The following CUEDC1 variants were observed in gnomAD, a reference collection of about 807,000 sequenced individuals.
The protein encoded by CUEDC1 is CUE domain containing 1, also known as CUE domain-containing protein 1.
CUEDC1 carries 30 observed loss-of-function variants against 43.7 expected under a neutral mutation model. That is an observed-to-expected ratio of 0.69 (90% confidence interval 0.51 to 0.93). The LOEUF is 0.93. Among genes scored for constraint, CUEDC1 ranks in the 40% least tolerant of loss-of-function variants. The probability of loss-of-function intolerance (pLI) is 0.00; values close to 1 mark genes in which losing one functional copy is unlikely to be tolerated. For synonymous variants in CUEDC1, 223 were observed against 223.6 expected, an observed-to-expected ratio of 1.00 and a Z score of 0.02; for missense variants, 486 against 549.0, an observed-to-expected ratio of 0.89 and a Z score of 1.15.
intron 1 of CUEDC1, among the ~76,000 whole-genome samples, chr17:57,946,820 T>C (rs902561670): frequency 2.0e-5 from 3 of 152,154 alleles, no homozygotes; most frequent in Admixed American, 1.3e-4. Flanking sequence ...CTGCTCATCA[T>C]CACCAGCCCG....
intron 1 of CUEDC1, chr17:57,912,328 G>A (rs1289172766): frequency 6.6e-6 from 1 of 152,256 alleles, no homozygotes; most frequent in Non-Finnish European, 1.5e-5. Context: ...ACATTGTTAG[G>A]AGAACAGATG....
chr17:57,951,937 T>C lies in CUEDC1; in HGVS notation c.-316+3288A>G, dbSNP rs114951619. 7.0e-3 allele frequency among the ~76,000 whole-genome samples: 1,067 copies of C among 152,362 alleles called. 16 individuals are homozygous for C. The highest frequency in any genetic ancestry group is 0.025 in the African/African-American group (1,035 of 41,570). ...CTGCATCATCAAGAGTCTGTGATAA[T>C]GCGCTGACACATCAGAGGTTCTGGG... On this transcript the variant is annotated intron_variant, in intron 1 of 10. Coordinates refer to ENST00000577830, the MANE Select transcript of CUEDC1 (RefSeq NM_001271875.2).
At chr17:57,884,058 T>C (rs1000797993) in intron 2 of CUEDC1, among the ~76,000 whole-genome samples, 8 of 152,124 alleles carry the variant, frequency 5.3e-5, no homozygotes. Context: ...GCCACTTCCC[T>C]GGAGAGACTG....
At chr17:57,927,308 G>A (rs1019080635) in intron 1 of CUEDC1, among the ~76,000 whole-genome samples, 11 of 151,814 alleles carry the variant, frequency 7.2e-5, no homozygotes, top group Admixed American at 6.6e-5. Context: ...CACTCCCCCC[G>A]GGAGTCTCCA....
At chr17:57,894,343 G>T (rs757223544) in intron 1 of CUEDC1, among the ~76,000 whole-genome samples, 1 of 152,162 alleles carries the variant, frequency 6.6e-6, no homozygotes, top group South Asian at 2.1e-4. Context: ...GTAAGGGTGG[G>T]GCATTCCTTT....
At chr17:57,905,038 G>T (rs2074513874) in intron 1 of CUEDC1, among the ~76,000 whole-genome samples, 1 of 152,112 alleles carries the variant, frequency 6.6e-6, no homozygotes, top group South Asian at 2.1e-4. Context: ...TCTCCCACCA[G>T]CTGCCCGGGG....
intron 7 of CUEDC1, 113 bp downstream of exon 7, chr17:57,869,009 T>A (rs1167411686): frequency 2.9e-6 from 3 of 1,051,212 alleles, no homozygotes; most frequent in Non-Finnish European, 2.8e-6. Context: ...ATGTCACTGG[T>A]TCACCAAGAG....
chr17:57,916,201 T>C (rs1748093129), intron 1 of CUEDC1, among the ~76,000 whole-genome samples: 1 of 152,182 alleles, frequency 6.6e-6, no homozygotes, highest in Non-Finnish European at 1.5e-5. Flanking sequence ...AGCAGCTGCC[T>C]CTGAGAATGC....
At chr17:57,917,229 G>A (rs893996360) in intron 1 of CUEDC1, among the ~76,000 whole-genome samples, 2 of 121,428 alleles carry the variant, frequency 1.6e-5, no homozygotes, top group Non-Finnish European at 3.5e-5. Context: ...CTCCCCCAGG[G>A]CAACAAGGCC....
At position 57,871,193 on chromosome 17, in the gene CUEDC1, C is replaced by T. The variant is rs116252952; in HGVS notation, c.868+93G>A. 10,347 of 1,032,446 alleles carry T rather than the reference C, an allele frequency of 0.01. 630 individuals carry two copies. The African/African-American group carries it at 0.13, about 13-fold the overall frequency. The allele number at this position is 1,032,446 out of a possible 1,614,324, so 64.0% of individuals were successfully genotyped here. On this transcript the variant is annotated intron_variant, in intron 6 of 10. Transcript: ENST00000577830. ...GGCCCCCTCCCACAATCTGTTTTTT[C>T]ACCCTCCTCTCAAACTCCAAATATG... is the stretch of plus-strand genomic sequence containing the variant.
At chr17:57,900,422 T>C (rs2074459233) in intron 1 of CUEDC1, among the ~76,000 whole-genome samples, 1 of 152,260 alleles carries the variant, frequency 6.6e-6, no homozygotes. Context: ...CTGTACACTT[T>C]CTTTAGCTAC....
At chr17:57,924,290 G>C (rs1378913191) in intron 1 of CUEDC1, among the ~76,000 whole-genome samples, 1 of 152,130 alleles carries the variant, frequency 6.6e-6, no homozygotes, top group Non-Finnish European at 1.5e-5. Context: ...ATTTTTAGTA[G>C]AGACAGGGTT....
chr17:57,938,654 T>C (rs528352094), intron 1 of CUEDC1, among the ~76,000 whole-genome samples: 2 of 151,780 alleles, frequency 1.3e-5, no homozygotes, highest in Admixed American at 6.6e-5. Flanking sequence ...TTTATTTATT[T>C]ATTATTTATT....
intron 1 of CUEDC1, among the ~76,000 whole-genome samples, chr17:57,929,321 C>T (rs541930183): frequency 1.4e-4 from 21 of 152,186 alleles, no homozygotes; most frequent in Admixed American, 6.5e-5. Flanking sequence ...GTTAAACAGC[C>T]GCCCAAGAAC....
In CUEDC1 at chr17:57,950,719, C is replaced by T. The variant is rs990642845; in HGVS notation, c.-316+4506G>A. 2.6e-5 allele frequency among the ~76,000 whole-genome samples: 4 copies of T among 152,076 alleles called. No homozygotes were observed. The East Asian group carries it at 5.8e-4, about 22-fold the overall frequency. ...AACTCCTGACCTCAGGTGATCCGCC[C>T]GCCTCGGCCTCCCAAAGTGCTGGGA... On this transcript the variant is annotated intron_variant, in intron 1 of 10. Coordinates refer to ENST00000577830, the MANE Select transcript of CUEDC1 (RefSeq NM_001271875.2).
chr17:57,865,854 C>A (rs1413674518), intron 10 of CUEDC1, among the ~76,000 whole-genome samples: 1 of 146,278 alleles, frequency 6.8e-6, no homozygotes, highest in Non-Finnish European at 1.5e-5. Context: ...TGAAGTTTCA[C>A]TCTTGTCGCC....
intron 1 of CUEDC1, among the ~76,000 whole-genome samples, chr17:57,900,835 T>C (rs532323866): frequency 1.3e-5 from 2 of 152,336 alleles, no homozygotes; most frequent in Admixed American, 1.3e-4. Context: ...CCTGTTCTGC[T>C]CACTGCTACT....
In CUEDC1 at chr17:57,893,349, A is replaced by ATGTGTGTGTGTGTG. The variant is rs147335365; in HGVS notation, c.-315-7484_-315-7471dup. 1.1e-3 allele frequency among the ~76,000 whole-genome samples: 161 copies of ATGTGTGTGTGTGTG among 148,356 alleles called. 1 individual carries two copies. The highest frequency in any genetic ancestry group is 3.7e-3 in the African/African-American group (151 of 40,680). On this transcript the variant is annotated intron_variant, in intron 1 of 10. Coordinates refer to ENST00000577830, the MANE Select transcript of CUEDC1 (RefSeq NM_001271875.2). ...AGCAAGAGACAGAGGCTCTCAGGGT[A>ATGTGTGTGTGTGTG]TGTGTGTGTGTGTGTGTGTGTGTGT...
In CUEDC1 at chr17:57,877,884, CA is replaced by C. The variant is rs59469013; in HGVS notation, c.464+1726del. ...TGGATGACAGAGTGAGACTCCGACT[CA>C]AAAAAAAAAAAAAAAAAAGTCAAAG... On this transcript the variant is annotated intron_variant, in intron 3 of 10. Transcript: ENST00000577830. Among the ~76,000 whole-genome samples, 116 of 89,558 alleles carry C rather than the reference CA, an allele frequency of 1.3e-3. No homozygotes were observed. The South Asian group carries it at 0.017, about 13-fold the overall frequency. The allele number at this position is 89,558 out of a possible 152,430, so 58.8% of individuals were successfully genotyped here.
Sources: allele counts gnomAD v4.1 joint callset (sites outside exome capture counted in the v4.1 genomes callset), GRCh38; gene constraint gnomAD v4.1.1; transcripts MANE v1.5; gene names NCBI Gene and HGNC (gene_info 2026-07-23, HGNC 2026-07-21).